Variants in DNAH7 observed in about 807,000 individuals in gnomAD.
The protein encoded by DNAH7 is axonemal beta dynein heavy chain 7.
A neutral mutation model predicts 444.6 loss-of-function variants in DNAH7; 397 were observed. That is an observed-to-expected ratio of 0.89 (90% confidence interval 0.82 to 0.97). The LOEUF is 0.97. Ranked by LOEUF, DNAH7 falls within the 50% of genes least tolerant of loss-of-function variation. The pLI, the probability that DNAH7 is intolerant of heterozygous loss-of-function variation, is 0.00. For synonymous variants in DNAH7, 1,636 were observed against 1,624.4 expected (o/e 1.01, Z -0.17); for missense variants, 4,902 against 4,800.8 (o/e 1.02, Z -0.62).
chr2:195,989,321 C>T (rs1223180753), intron 12 of DNAH7, among the ~76,000 whole-genome samples: 2 of 152,124 alleles, frequency 1.3e-5, no homozygotes, highest in African/African-American at 4.8e-5. Flanking sequence ...TGTAGGGGTT[C>T]CCTTTTCTCT....
At chr2:195,943,441 A>T (rs1689599423) in intron 19 of DNAH7, among the ~76,000 whole-genome samples, 1 of 152,184 alleles carries the variant, frequency 6.6e-6, no homozygotes, top group South Asian at 2.1e-4. Context: ...AATGAATGAC[A>T]GTATTGGCAG....
chr2:195,824,214 T>C (rs1697603165), intron 49 of DNAH7, 41 bp downstream of exon 49: 2 of 1,549,564 alleles, frequency 1.3e-6, no homozygotes, highest in Admixed American at 1.8e-5. Flanking sequence ...TAGTCACTAA[T>C]TACAAAATCT....
At chr2:196,045,348 GGGAA>G (rs1206489061) in intron 5 of DNAH7, among the ~76,000 whole-genome samples, 1 of 150,616 alleles carries the variant, frequency 6.6e-6, no homozygotes, top group East Asian at 1.9e-4. Context: ...AAGGGAGGGA[GGGAA>G]GGAAGGAAGA....
intron 1 of DNAH7, among the ~76,000 whole-genome samples, chr2:196,067,169 G>A (rs1166509787): frequency 6.6e-6 from 1 of 152,044 alleles, no homozygotes; most frequent in Non-Finnish European, 1.5e-5. Flanking sequence ...GGTTTTTTGT[G>A]GATACTTTTT....
intron 24 of DNAH7, among the ~76,000 whole-genome samples, chr2:195,915,610 C>G (rs1687628003): frequency 6.6e-6 from 1 of 152,118 alleles, no homozygotes; most frequent in Non-Finnish European, 1.5e-5. Flanking sequence ...ATGAAGGAAA[C>G]TTATATCAAA....
At chr2:195,844,628 G>A (rs543021004) in intron 47 of DNAH7, among the ~76,000 whole-genome samples, 21 of 152,188 alleles carry the variant, frequency 1.4e-4, no homozygotes, top group African/African-American at 5.1e-4. Context: ...ACGGAATTTG[G>A]AACACCCTGC....
At chr2:196,040,735 G>C (rs1035150852) in intron 5 of DNAH7, among the ~76,000 whole-genome samples, 1 of 151,872 alleles carries the variant, frequency 6.6e-6, no homozygotes, top group African/African-American at 2.4e-5. Flanking sequence ...AATTACACAA[G>C]ATAAAGAAAG....
At chr2:195,983,585 C>T (rs1692711568) in intron 15 of DNAH7, among the ~76,000 whole-genome samples, 1 of 152,146 alleles carries the variant, frequency 6.6e-6, no homozygotes, top group Non-Finnish European at 1.5e-5. Flanking sequence ...ATGAGGGATC[C>T]ACCAAAAACC....
At chr2:195,905,771 T>C (rs1686978121) in intron 27 of DNAH7, 1 of 151,970 alleles carries the variant, frequency 6.6e-6, no homozygotes, top group Non-Finnish European at 1.5e-5. Flanking sequence ...TTCAAGAAAG[T>C]GTTTTGTTCT....
chr2:195,845,947 G>T (rs1034900367), intron 46 of DNAH7, among the ~76,000 whole-genome samples: 1 of 152,162 alleles, frequency 6.6e-6, no homozygotes, highest in Non-Finnish European at 1.5e-5. Context: ...CATAGGCCCT[G>T]GCCAAGATTA....
rs1359728423 is a variant in DNAH7, at chr2:195,867,974, CTA to C, written c.6634-2955_6634-2954del. ...GGAACTGCTAGGTCATATGGTAACCCTATGTTTTAACCTTTTGATGACCTACC... is the reference window on the plus strand; with the variant it reads ...GGAACTGCTAGGTCATATGGTAACCCTGTTTTAACCTTTTGATGACCTACC... On this transcript the variant is annotated intron_variant, in intron 40 of 64. Transcript: ENST00000312428. Among the ~76,000 whole-genome samples the C allele has an allele frequency of 5.9e-5, 9 of 152,032 alleles. No homozygotes were observed. The East Asian group carries it at 1.5e-3, about 26-fold the overall frequency.
intron 10 of DNAH7, among the ~76,000 whole-genome samples, chr2:196,009,068 C>T (rs1694563651): frequency 6.6e-6 from 1 of 152,084 alleles, no homozygotes; most frequent in Non-Finnish European, 1.5e-5. Flanking sequence ...ACAACCAGAT[C>T]TTGTGTGAAC....
At chr2:195,747,756 G>C in intron 63 of DNAH7, among the ~76,000 whole-genome samples, 1 of 152,246 alleles carries the variant, frequency 6.6e-6, no homozygotes, top group Non-Finnish European at 1.5e-5. Context: ...CTCAATAGAT[G>C]CAGAAAAGGC....
intron 46 of DNAH7, among the ~76,000 whole-genome samples, chr2:195,852,509 G>A (rs1434672336): frequency 3.3e-5 from 5 of 151,544 alleles, no homozygotes; most frequent in Non-Finnish European, 7.4e-5. Flanking sequence ...TTTTCTTTTA[G>A]TTATCTTAAT....
chr2:195,969,701 A>T (rs2125565885), intron 17 of DNAH7, among the ~76,000 whole-genome samples: 1 of 152,354 alleles, frequency 6.6e-6, no homozygotes, highest in Non-Finnish European at 1.5e-5. Flanking sequence ...AGCAAAGTTT[A>T]AAAAGAAGAC....
At chr2:195,942,944 C>G (rs1689557585) in intron 19 of DNAH7, among the ~76,000 whole-genome samples, 1 of 152,074 alleles carries the variant, frequency 6.6e-6, no homozygotes, top group Admixed American at 6.6e-5. Context: ...GTAATAACCC[C>G]TGTGTGTCAT....
intron 9 of DNAH7, among the ~76,000 whole-genome samples, chr2:196,014,031 A>G (rs1468044066): frequency 6.6e-6 from 1 of 152,206 alleles, no homozygotes; most frequent in Non-Finnish European, 1.5e-5. Flanking sequence ...ATAGAATACC[A>G]TCTTTGATGT....
At chr2:195,968,508 G>A (rs141892615) in intron 17 of DNAH7, among the ~76,000 whole-genome samples, 2 of 152,104 alleles carry the variant, frequency 1.3e-5, no homozygotes, top group African/African-American at 2.4e-5. Flanking sequence ...AGACAAAGCC[G>A]TCTTTTCTCT....
intron 9 of DNAH7, among the ~76,000 whole-genome samples, chr2:196,016,028 A>T (rs1694999165): frequency 6.6e-6 from 1 of 152,180 alleles, no homozygotes. Context: ...CATCTCTGCC[A>T]CCACAACTAC....
Sources: gnomAD v4.1 joint callset for allele counts (sites outside exome capture counted in the v4.1 genomes callset) on GRCh38, gnomAD v4.1.1 for gene constraint, MANE v1.5 for transcripts, NCBI Gene and HGNC (gene_info 2026-07-23, HGNC 2026-07-21) for gene names.